HMGA2: variants seen among roughly 807,000 people sequenced by gnomAD.
HMGA2 encodes the protein high mobility group protein HMGI-C.
HMGA2 carries 8 observed loss-of-function variants against 19.1 expected under a neutral mutation model. The ratio of observed to expected loss-of-function variants is 0.42; its 90% confidence interval spans 0.25 to 0.76. The LOEUF is 0.76. Ranked by LOEUF, HMGA2 falls within the 30% of genes least tolerant of loss-of-function variation. HMGA2 has a pLI of 0.28. For missense variants in HMGA2, 109 were observed against 136.3 expected (o/e 0.80, Z 1.00); for synonymous variants, 60 against 48.8 (o/e 1.23, Z -0.96).
At chr12:65,899,031 G>C (rs528308635) in intron 3 of HMGA2, among the ~76,000 whole-genome samples, 1 of 121,564 alleles carries the variant, frequency 8.2e-6, no homozygotes, top group Admixed American at 1.1e-4. Flanking sequence ...GCAACAGAGC[G>C]AGACTCCGTC....
chr12:65,834,415 G>C (rs1269935360), intron 2 of HMGA2, among the ~76,000 whole-genome samples: 1 of 152,160 alleles, frequency 6.6e-6, no homozygotes, highest in African/African-American at 2.4e-5. Context: ...GAGAGGGCTA[G>C]GTGAAATTAT....
At chr12:65,867,272 G>A (rs1333832449) in intron 3 of HMGA2, among the ~76,000 whole-genome samples, 4 of 152,126 alleles carry the variant, frequency 2.6e-5, no homozygotes, top group Non-Finnish European at 4.4e-5. Flanking sequence ...CTGAGACATC[G>A]AGTTCTTTTC....
chr12:65,843,847 G>A (rs569850320), intron 3 of HMGA2, among the ~76,000 whole-genome samples: 4 of 152,170 alleles, frequency 2.6e-5, no homozygotes, highest in Admixed American at 1.3e-4. Context: ...CCAGGAGTTC[G>A]AGACCAGCCT....
At chr12:65,923,372 G>A (rs1338569016) in intron 3 of HMGA2, among the ~76,000 whole-genome samples, 1 of 152,150 alleles carries the variant, frequency 6.6e-6, no homozygotes, top group South Asian at 2.1e-4. Context: ...GGGGTTAGGG[G>A]AGAGAATGAG....
chr12:65,863,077 A>G (rs1051153038), intron 3 of HMGA2, among the ~76,000 whole-genome samples: 2 of 152,194 alleles, frequency 1.3e-5, no homozygotes, highest in African/African-American at 4.8e-5. Flanking sequence ...TGGGATAATC[A>G]ACAACAGCAG....
At chr12:65,905,250 A>G (rs531250209) in intron 3 of HMGA2, among the ~76,000 whole-genome samples, 17 of 152,086 alleles carry the variant, frequency 1.1e-4, no homozygotes, top group Non-Finnish European at 2.2e-4. Context: ...ATTTTTCTGT[A>G]TAATTAACAA....
At chr12:65,833,071 A>G (rs540125896) in intron 2 of HMGA2, among the ~76,000 whole-genome samples, 12 of 152,224 alleles carry the variant, frequency 7.9e-5, no homozygotes, top group African/African-American at 2.6e-4. Context: ...ATAGGCAGGA[A>G]CTACAATGGG....
chr12:65,847,293 A>G (rs1292476815), intron 3 of HMGA2, among the ~76,000 whole-genome samples: 3 of 152,172 alleles, frequency 2.0e-5, no homozygotes, highest in African/African-American at 7.2e-5. Context: ...ACAGGCTCCA[A>G]AAAGAGGGAG....
At chr12:65,845,202 G>A (rs896248976) in intron 3 of HMGA2, among the ~76,000 whole-genome samples, 1 of 152,050 alleles carries the variant, frequency 6.6e-6, no homozygotes, top group African/African-American at 2.4e-5. Context: ...TTATATTCCA[G>A]GAGAACATTT....
At chr12:65,951,848 T>C (rs1455814581) in intron 4 of HMGA2, 1 of 168,480 alleles carries the variant, frequency 5.9e-6, no homozygotes, top group African/African-American at 2.4e-5. Flanking sequence ...TATTTGATGA[T>C]CCCAAAACAC....
intron 2 of HMGA2, among the ~76,000 whole-genome samples, chr12:65,833,882 T>A (rs1444211551): frequency 6.6e-6 from 1 of 152,062 alleles, no homozygotes; most frequent in Non-Finnish European, 1.5e-5. Flanking sequence ...ACTAAGAAAA[T>A]TGGTAAGTAT....
intron 3 of HMGA2, among the ~76,000 whole-genome samples, chr12:65,869,879 C>A (rs551638876): frequency 3.3e-5 from 5 of 151,942 alleles, no homozygotes; most frequent in African/African-American, 1.2e-4. Flanking sequence ...AATTTTGAAC[C>A]CAGGTTTGTC....
intron 3 of HMGA2, among the ~76,000 whole-genome samples, chr12:65,900,288 T>G (rs1565726585): frequency 6.6e-6 from 1 of 152,202 alleles, no homozygotes; most frequent in Non-Finnish European, 1.5e-5. Context: ...AATTTGTACA[T>G]GAAGATTTTG....
At position 65,964,215 on chromosome 12, in the gene HMGA2, A is replaced by T. The variant is rs1876836843; in HGVS notation, c.*923A>T. On this transcript the variant is annotated 3_prime_UTR_variant, in exon 5 of 5. Coordinates refer to ENST00000403681, the MANE Select transcript of HMGA2 (RefSeq NM_003483.6). ...GGTACAACAGAATAATGCATGATGA[A>T]CTCACCTAATTATGAGGTGGGAGGA... The T allele has an allele frequency of 4.9e-6, 1 of 205,738 alleles. No individual in the cohort carries two copies. The highest frequency in any genetic ancestry group is 9.9e-6 in the Non-Finnish European group (1 of 100,834). 12.7% of individuals were successfully genotyped at this position (205,738 alleles called of 1,614,324 possible).
At chr12:65,843,289 T>G (rs1362876277) in intron 3 of HMGA2, 1 of 218,610 alleles carries the variant, frequency 4.6e-6, no homozygotes, top group Non-Finnish European at 9.2e-6. Context: ...GTACGTTGAT[T>G]AAAAAATATG....
intron 2 of HMGA2, among the ~76,000 whole-genome samples, chr12:65,836,795 T>G (rs1592375549): frequency 6.6e-6 from 1 of 152,302 alleles, no homozygotes; most frequent in East Asian, 1.9e-4. Context: ...TGATTCAGAG[T>G]GTCCAAATCA....
chr12:65,881,124 T>C (rs1873358141), intron 3 of HMGA2: 1 of 152,684 alleles, frequency 6.5e-6, no homozygotes, highest in African/African-American at 2.4e-5. Flanking sequence ...TTTACCACCA[T>C]TTCCATGTAT....
At chr12:65,963,142 A>C (rs1338232139) in intron 4 of HMGA2, 103 bp from the exon 5 acceptor site, 5 of 1,020,342 alleles carry the variant, frequency 4.9e-6, no homozygotes, top group Non-Finnish European at 7.6e-6. Context: ...TTTTGAGGCA[A>C]GCATAATGTG....
intron 3 of HMGA2, among the ~76,000 whole-genome samples, chr12:65,903,987 T>C (rs1874479133): frequency 1.3e-5 from 2 of 152,254 alleles, no homozygotes; most frequent in Admixed American, 1.3e-4. Context: ...AGTGGGGTTA[T>C]ATTTGTCAGT....
Sources: gnomAD v4.1 joint callset for allele counts (sites outside exome capture counted in the v4.1 genomes callset) on GRCh38, gnomAD v4.1.1 for gene constraint, MANE v1.5 for transcripts, NCBI Gene and HGNC (gene_info 2026-07-23, HGNC 2026-07-21) for gene names.